The following FBN2 variants were observed in gnomAD, a reference collection of about 807,000 sequenced individuals.
FBN2 encodes fibrillin-2.
FBN2 carries 105 observed loss-of-function variants against 355.6 expected under a neutral mutation model. The ratio of observed to expected loss-of-function variants is 0.30; its 90% confidence interval spans 0.25 to 0.35. FBN2 has a LOEUF of 0.35. Among genes scored for constraint, FBN2 ranks in the 10% least tolerant of loss-of-function variants. The pLI is 1.00. For missense variants in FBN2, 3,280 were observed against 3,758.7 expected (o/e 0.87, Z 3.33); for synonymous variants, 1,350 against 1,301.2 (o/e 1.04, Z -0.81).
At chr5:128,419,643 G>A (rs925737543) in intron 7 of FBN2, among the ~76,000 whole-genome samples, 25 of 151,866 alleles carry the variant, frequency 1.6e-4, no homozygotes, top group Non-Finnish European at 2.4e-4. Flanking sequence ...ATTTTCAGAT[G>A]ATGAACCAAT....
chr5:128,353,941 C>T (rs1751435472), intron 20 of FBN2, among the ~76,000 whole-genome samples: 1 of 152,098 alleles, frequency 6.6e-6, no homozygotes, highest in Non-Finnish European at 1.5e-5. Context: ...CCCCGCACCC[C>T]CCTACAGGCT....
chr5:128,290,630 T>G, intron 50 of FBN2, 102 bp downstream of exon 50: 1 of 1,194,106 alleles, frequency 8.4e-7, no homozygotes, highest in Non-Finnish European at 1.3e-6. Flanking sequence ...AAGGAGATGA[T>G]TTCACTCTCA....
In FBN2 at chr5:128,537,592, T is replaced by C. The variant is rs1448377733; in HGVS notation, c.12A>G (p.Arg4=). 1.2e-6 allele frequency: 2 copies of C among 1,607,842 alleles called. No homozygotes were observed. The highest frequency in any genetic ancestry group is 3.3e-5 in the Admixed American group (2 of 59,788). Residue 4 remains arginine (R), a synonymous_variant, in exon 1 of 65, where the codon AGA becomes AGG. Transcript: ENST00000262464. MGR[R]RRLCLQLYFL... ...AGTAGAGCTGGAGACACAGCCTCCGTCTTCTCCCCATCGCCGGCGCCGAAA... is the reference window on the plus strand; with the variant it reads ...AGTAGAGCTGGAGACACAGCCTCCGCCTTCTCCCCATCGCCGGCGCCGAAA...
chr5:128,419,154 A>G (rs1345771624), intron 7 of FBN2, among the ~76,000 whole-genome samples: 1 of 152,226 alleles, frequency 6.6e-6, no homozygotes, highest in Non-Finnish European at 1.5e-5. Flanking sequence ...TGCTTAAATC[A>G]TTCATTGGTT....
chr5:128,535,611 G>A (rs1756824595), intron 2 of FBN2, among the ~76,000 whole-genome samples: 1 of 152,184 alleles, frequency 6.6e-6, no homozygotes, highest in Non-Finnish European at 1.5e-5. Context: ...CCCAGAGTCC[G>A]TGACTGTGAG....
At chr5:128,447,796 G>T (rs554246272) in intron 6 of FBN2, among the ~76,000 whole-genome samples, 1 of 152,256 alleles carries the variant, frequency 6.6e-6, no homozygotes, top group South Asian at 2.1e-4. Context: ...GTCTCCCCCG[G>T]ATACCCAGCT....
In FBN2 at chr5:128,537,332, A is replaced by G. The variant is rs1168081500; in HGVS notation, c.254+18T>C. On this transcript the variant is annotated intron_variant, in intron 1 of 64. Transcript: ENST00000262464. ...CCCCAAGCCGGAGCCCTAGGTGCGG[A>G]GCCGCTTGCCCACTTACCCTCGGAG... 6.2e-7 allele frequency: 1 copy of G among 1,609,050 alleles called. No individual in the cohort carries two copies. Among genetic ancestry groups the G allele is most frequent in the South Asian group, 1.1e-5 (1 of 90,850 alleles).
chr5:128,523,474 A>G (rs1028829159), intron 4 of FBN2, among the ~76,000 whole-genome samples: 4 of 152,062 alleles, frequency 2.6e-5, no homozygotes, highest in African/African-American at 4.8e-5. Context: ...CAACTTCCTA[A>G]TGATCTTTAT....
intron 56 of FBN2, among the ~76,000 whole-genome samples, chr5:128,279,759 A>C (rs1343604240): frequency 6.6e-6 from 1 of 152,208 alleles, no homozygotes. Context: ...ATTTCCCATA[A>C]AAAGGTTTTA....
At chr5:128,462,795 T>C (rs1206004747) in intron 6 of FBN2, among the ~76,000 whole-genome samples, 1 of 152,168 alleles carries the variant, frequency 6.6e-6, no homozygotes, top group African/African-American at 2.4e-5. Flanking sequence ...TTGGTTGAAG[T>C]TAAAGGCTTT....
At chr5:128,286,881 T>C in intron 54 of FBN2, 32 bp from the exon 55 acceptor site, 1 of 1,605,274 alleles carries the variant, frequency 6.2e-7, no homozygotes, top group Non-Finnish European at 8.5e-7. Flanking sequence ...AAAAATTATC[T>C]GGAGCAAGCT....
At chr5:128,288,883 G>T (rs374026509) in intron 52 of FBN2, among the ~76,000 whole-genome samples, 7 of 152,208 alleles carry the variant, frequency 4.6e-5, no homozygotes, top group African/African-American at 7.2e-5. Flanking sequence ...TTTGGCAATT[G>T]TAAGTCTCTA....
chr5:128,405,557 T>C (rs1459514187), intron 8 of FBN2, among the ~76,000 whole-genome samples: 1 of 152,198 alleles, frequency 6.6e-6, no homozygotes, highest in African/African-American at 2.4e-5. Flanking sequence ...CTGAATAAAA[T>C]GAGGATTCAT....
At chr5:128,448,911 T>C (rs1754147997) in intron 6 of FBN2, among the ~76,000 whole-genome samples, 1 of 152,094 alleles carries the variant, frequency 6.6e-6, no homozygotes, top group South Asian at 2.1e-4. Context: ...AAATTGTCTA[T>C]TAATTTCATC....
chr5:128,504,161 G>C (rs1755891307), intron 5 of FBN2, among the ~76,000 whole-genome samples: 1 of 152,212 alleles, frequency 6.6e-6, no homozygotes, highest in Admixed American at 6.5e-5. Context: ...CTAGATTTTA[G>C]AGGATGTATG....
At position 128,288,574 on chromosome 5, in the gene FBN2, A is replaced by G; in HGVS notation, c.6638-17T>C. The stretch of plus-strand genomic sequence containing the variant: ...CATCAGTATCTGAAAAAGAAGAATA[A>G]GAAACTGCCACAAAGATGTTTTAGT... On this transcript the variant is annotated splice_polypyrimidine_tract_variant and intron_variant, in intron 52 of 64. Transcript: ENST00000262464. The G allele has an allele frequency of 6.2e-7, 1 of 1,612,480 alleles. No homozygotes were observed. The highest frequency in any genetic ancestry group is 8.5e-7 in the Non-Finnish European group (1 of 1,179,878).
At chr5:128,527,599 A>G (rs1308534046) in intron 4 of FBN2, among the ~76,000 whole-genome samples, 3 of 152,184 alleles carry the variant, frequency 2.0e-5, no homozygotes, top group Non-Finnish European at 1.5e-5. Flanking sequence ...AATAAATCAC[A>G]GAAAATCTGT....
At chr5:128,303,409 G>A (rs1301858318) in intron 45 of FBN2, among the ~76,000 whole-genome samples, 4 of 152,054 alleles carry the variant, frequency 2.6e-5, no homozygotes, top group African/African-American at 9.7e-5. Context: ...AAATAAAACT[G>A]ATCTTCTAAA....
At chr5:128,260,561 A>G (rs1764939709) in intron 64 of FBN2, among the ~76,000 whole-genome samples, 1 of 152,246 alleles carries the variant, frequency 6.6e-6, no homozygotes, top group African/African-American at 2.4e-5. Flanking sequence ...AGTGCCCATC[A>G]GTGTTCAGGC....
Sources: gnomAD v4.1 joint callset for allele counts (sites outside exome capture counted in the v4.1 genomes callset) on GRCh38, gnomAD v4.1.1 for gene constraint, MANE v1.5 for transcripts, NCBI Gene and HGNC (gene_info 2026-07-23, HGNC 2026-07-21) for gene names.